The following CARD10 variants were observed in gnomAD, a reference collection of about 807,000 sequenced individuals.
The protein encoded by CARD10 is caspase recruitment domain family member 10.
Under a neutral mutation model 114.6 loss-of-function variants are expected in CARD10, and 49 were observed. The observed-to-expected ratio is 0.43, with a 90% CI of 0.34 to 0.54. The LOEUF is 0.54. CARD10 is among the 20% of genes least tolerant of loss of function. CARD10 has a pLI of 0.03. For missense variants in CARD10, 1,206 were observed against 1,397.2 expected (o/e 0.86, Z 2.18); for synonymous variants, 602 against 593.2 (o/e 1.01, Z -0.21).
chr22:37,492,757 A>G lies in CARD10; in HGVS notation c.2522T>C (p.Leu841Pro). The G allele has an allele frequency of 6.2e-7, 1 of 1,612,866 alleles. No homozygotes were observed. The highest frequency in any genetic ancestry group is 8.5e-7 in the Non-Finnish European group (1 of 1,179,898). Residue 841 changes from leucine (L) to proline (P), a missense_variant, in exon 17 of 20, where the codon CTG becomes CCG. Physicochemically the swap from Leu to Pro is moderately conservative, Grantham distance 98 (BLOSUM62 -3). Transcript: ENST00000251973. The surrounding 1 kb of genome is among the most constrained non-coding windows in gnomAD (Gnocchi z 5.7). Reference sequence around the variant, plus strand: ...CACCACGGGCCGCAGGGCAGACACCAGTAGCGGCCGCACCAAACTGTAGGG... The same window carrying G: ...CACCACGGGCCGCAGGGCAGACACCGGTAGCGGCCGCACCAAACTGTAGGG... ...LRPYSLVRPL[L>P]VSALRPVVLL...
Position 37,493,910 on chromosome 22 carries a change from T to C in CARD10, c.2476+176A>G, listed in dbSNP as rs184810337. 1.9e-3 allele frequency among the ~76,000 whole-genome samples: 295 copies of C among 152,294 alleles called. 2 individuals are homozygous for C. Among genetic ancestry groups the C allele is most frequent in the African/African-American group, 6.9e-3 (288 of 41,564 alleles). ...TCTCCCTCAACCTTGGCAATCACCA[T>C]GGCAGGTGGGGTGGTCTTGTCTCTC... is the stretch of plus-strand genomic sequence containing the variant. On this transcript the variant is annotated intron_variant, in intron 16 of 19. Transcript: ENST00000251973.
Position 37,519,281 on chromosome 22 carries a change from C to A in CARD10, c.-81G>T, listed in dbSNP as rs1247397101. 27 of 1,367,976 alleles carry A rather than the reference C, an allele frequency of 2.0e-5. No individual in the cohort carries two copies. Among genetic ancestry groups the A allele is most frequent in the Middle Eastern group, 2.7e-4 (1 of 3,708 alleles). 84.7% of individuals were successfully genotyped at this position (1,367,976 alleles called of 1,614,324 possible). A position where few individuals can be genotyped will look rare whatever the true frequency, so the allele number is the denominator to read the frequency against. On this transcript the variant is annotated 5_prime_UTR_variant, in exon 1 of 20. Coordinates refer to ENST00000251973, the MANE Select transcript of CARD10 (RefSeq NM_014550.4). This position sits in a 1 kb window ranked among gnomAD's most constrained non-coding sequence, Gnocchi z 4.1. ...CTAGGGCTAGATGTGCGGCCAAGCACCCCCGGGGCGTCGTCCGCAGACCCG... is the reference window on the plus strand; with the variant it reads ...CTAGGGCTAGATGTGCGGCCAAGCAACCCCGGGGCGTCGTCCGCAGACCCG...
chr22:37,516,179 C>T lies in CARD10; in HGVS notation c.493G>A (p.Glu165Lys), dbSNP rs756816896. Reference sequence around the variant, plus strand: ...TGCTCCAGCCCTGCCCGCTCCTCCTCGAGCACCCGGCCCCGGGCCTGCAGT... The same window carrying T: ...TGCTCCAGCCCTGCCCGCTCCTCCTTGAGCACCCGGCCCCGGGCCTGCAGT... Reference protein sequence around the residue: ...QQLQARGRVLEEERAGLEQRL... With the variant: ...QQLQARGRVLKEERAGLEQRL... The change falls in exon 3 of 20, where the codon GAG becomes AAG. Residue 165 changes from glutamate to lysine, a missense_variant. Around this residue, in one of 2 missense-constraint regions of CARD10, gnomAD observed 1,068 missense variants for 1,179.1 expected, o/e 0.91. Transcript: ENST00000251973. The T allele has an allele frequency of 7.5e-6, 12 of 1,592,846 alleles. No individual in the cohort carries two copies. The highest frequency in any genetic ancestry group is 9.4e-6 in the Non-Finnish European group (11 of 1,170,370).
chr22:37,495,489 C>G, intron 15 of CARD10, 28 bp downstream of exon 15: 1 of 1,586,574 alleles, frequency 6.3e-7, no homozygotes, highest in Non-Finnish European at 8.6e-7. Context: ...TGGGGCCCCC[C>G]ACCCACTACC....
chr22:37,498,174 C>A (rs951454956), intron 11 of CARD10, among the ~76,000 whole-genome samples: 1 of 152,144 alleles, frequency 6.6e-6, no homozygotes, highest in Non-Finnish European at 1.5e-5. Flanking sequence ...ATGCTGAGCT[C>A]CTTGCCCTAA....
Position 37,519,172 on chromosome 22 carries a change from G to C in CARD10, c.29C>G (p.Ala10Gly), listed in dbSNP as rs771224884. ...CGAGCCGGCCCCGGCCTCCTCCTCG[G>C]CCTCCCCCGCCTCCGCCCGGCCCGG... MPGRAEAGE[A>G]EEEAGAGSGS... The change falls in exon 1 of 20, where the codon GCC (alanine) becomes GGC (glycine). Residue 10 changes from alanine to glycine, a missense_variant. Physicochemically the swap from Ala to Gly is moderately conservative, Grantham distance 60 (BLOSUM62 0). Transcript: ENST00000251973. The surrounding 1 kb of genome is among the most constrained non-coding windows in gnomAD (Gnocchi z 4.1). 6.5e-7 allele frequency: 1 copy of C among 1,534,086 alleles called. No homozygotes were observed. The highest frequency in any genetic ancestry group is 2.0e-5 in the Admixed American group (1 of 51,248).
intron 10 of CARD10, 77 bp downstream of exon 10, chr22:37,503,108 G>T: frequency 6.8e-7 from 1 of 1,463,858 alleles, no homozygotes; most frequent in Non-Finnish European, 9.5e-7. Context: ...AGCGCAGGTG[G>T]TGCAGGCTTC....
chr22:37,492,513 C>T lies in CARD10; in HGVS notation c.2673G>A (p.Ala891=), dbSNP rs774505367. The change falls in exon 18 of 20, where the codon GCG becomes GCA. Residue 891 remains alanine, a synonymous_variant. Transcript: ENST00000251973. The surrounding 1 kb of genome is among the most constrained non-coding windows in gnomAD (Gnocchi z 5.7). ...LSGEELCPSS[A]PGAPKAQPAT... ...CAGGCTGAGCCTTGGGGGCTCCAGGCGCTGAGGATGGGCACAGTTCCTCCC... is the reference window on the plus strand; with the variant it reads ...CAGGCTGAGCCTTGGGGGCTCCAGGTGCTGAGGATGGGCACAGTTCCTCCC... 8 of 1,604,136 alleles carry T rather than the reference C, an allele frequency of 5.0e-6. No homozygotes were observed. The highest frequency in any genetic ancestry group is 2.2e-5 in the East Asian group (1 of 44,724).
At chr22:37,517,404 G>A (rs369291299) in intron 2 of CARD10, among the ~76,000 whole-genome samples, 4 of 152,198 alleles carry the variant, frequency 2.6e-5, no homozygotes, top group East Asian at 1.9e-4. Context: ...CTGGGAGGCC[G>A]AGGCAGGCGG....
intron 10 of CARD10, 29 bp from the exon 11 acceptor site, chr22:37,502,754 C>G: frequency 6.2e-7 from 1 of 1,606,118 alleles, no homozygotes; most frequent in Non-Finnish European, 8.5e-7. Flanking sequence ...GTTCAGGGAT[C>G]TGGCACTGGG....
At chr22:37,504,330 C>A (rs1463137783) in intron 8 of CARD10, 29 bp from the exon 9 acceptor site, 3 of 1,421,480 alleles carry the variant, frequency 2.1e-6, no homozygotes, top group Admixed American at 4.4e-5. Flanking sequence ...GCCTGGGTCA[C>A]CCCCACTGCC....
chr22:37,494,108 C>T lies in CARD10; in HGVS notation c.2454G>A (p.Gln818=). 1 of 1,557,756 alleles carries T rather than the reference C, an allele frequency of 6.4e-7. No individual in the cohort carries two copies. Among genetic ancestry groups the T allele is most frequent in the Non-Finnish European group, 8.7e-7 (1 of 1,150,900 alleles). ...VGAPAGDSPD[Q]LLLEPCAEPE... ...CACCTGCACAGGGCTCCAGCAGCAG[C>T]TGATCCGGGGAGTCCCCTGCAGGCG... Residue 818 remains glutamine, a synonymous_variant, in exon 16 of 20, where the codon CAG becomes CAA. Coordinates refer to ENST00000251973, the MANE Select transcript of CARD10 (RefSeq NM_014550.4).
At position 37,509,988 on chromosome 22, in the gene CARD10, C is replaced by A. The variant is rs538413105; in HGVS notation, c.909+224G>T. On this transcript the variant is annotated intron_variant, in intron 4 of 19. Transcript: ENST00000251973. ...AGCCCTGGTACCTACCGCAGGCCCT[C>A]CTGACCACCCCCCACCCCCGTGCCC... Among the ~76,000 whole-genome samples, 31 of 35,536 alleles carry A rather than the reference C, an allele frequency of 8.7e-4. 1 individual carries two copies. Among genetic ancestry groups the A allele is most frequent in the Non-Finnish European group, 1.4e-3 (26 of 18,152 alleles). The allele number at this position is 35,536 out of a possible 152,430, so 23.3% of individuals were successfully genotyped here. A position where few individuals can be genotyped will look rare whatever the true frequency, so the allele number is the denominator to read the frequency against.
At chr22:37,511,421 G>GGGGGGGAGGAA (rs796281103) in intron 3 of CARD10, among the ~76,000 whole-genome samples, 1 of 126,214 alleles carries the variant, frequency 7.9e-6, no homozygotes, top group Non-Finnish European at 1.6e-5. Flanking sequence ...GGGAGGAGGA[G>GGGGGGGAGGAA]GGAGGGGGAA....
chr22:37,496,333 G>T lies in CARD10; in HGVS notation c.2059+116C>A. ...ATCAGCAGGCGGGGAGCCAGGAGAA[G>T]GGCAATTGGGGCAAGGCTGGTCCCT... On this transcript the variant is annotated intron_variant, in intron 13 of 19. Transcript: ENST00000251973. This position sits in a 1 kb window ranked among gnomAD's most constrained non-coding sequence, Gnocchi z 4.1. 1 of 725,534 alleles carries T rather than the reference G, an allele frequency of 1.4e-6. No homozygotes were observed. Among genetic ancestry groups the T allele is most frequent in the Non-Finnish European group, 2.3e-6 (1 of 437,596 alleles). 44.9% of individuals were successfully genotyped at this position (725,534 alleles called of 1,614,324 possible).
In CARD10 at chr22:37,518,951, G is replaced by A. The variant is rs1923935546; in HGVS notation, c.235+15C>T. 2.0e-6 allele frequency: 3 copies of A among 1,516,152 alleles called. No homozygotes were observed. The highest frequency in any genetic ancestry group is 2.7e-6 in the Non-Finnish European group (3 of 1,131,868). The allele number at this position is 1,516,152 out of a possible 1,614,324, so 93.9% of individuals were successfully genotyped here. Reference sequence around the variant, plus strand: ...GCCGGCCCAGGTCGTGGCCCACTCGGGACCCGCGGCTCACCGGTGCGGTTG... The same window carrying A: ...GCCGGCCCAGGTCGTGGCCCACTCGAGACCCGCGGCTCACCGGTGCGGTTG... On this transcript the variant is annotated intron_variant, in intron 1 of 19. Transcript: ENST00000251973.
chr22:37,497,753 A>ACT (rs1923059723), intron 11 of CARD10, among the ~76,000 whole-genome samples: 1 of 151,444 alleles, frequency 6.6e-6, no homozygotes, highest in Non-Finnish European at 1.5e-5. Flanking sequence ...AATTCCAGCT[A>ACT]CTTGGGAGGA....
At chr22:37,510,975 G>A (rs113534314) in intron 3 of CARD10, among the ~76,000 whole-genome samples, 78 of 152,066 alleles carry the variant, frequency 5.1e-4, no homozygotes, top group African/African-American at 1.6e-3. Flanking sequence ...CCAGCTACTA[G>A]GGAGATTGAG....
chr22:37,497,039 C>A lies in CARD10; in HGVS notation c.1927G>T (p.Ala643Ser). 2 of 1,613,296 alleles carry A rather than the reference C, an allele frequency of 1.2e-6. No homozygotes were observed. Among genetic ancestry groups the A allele is most frequent in the South Asian group, 2.2e-5 (2 of 90,978 alleles). ...CTCACCTCTCTTGGTTCCATCCTGG[C>A]GGACCCAGGCCCAGACAGCACCCTG... ...VRRVLSGPGS[A>S]RMEPREQRVE... The change falls in exon 12 of 20, where the codon GCC (alanine) becomes TCC (serine). Residue 643 changes from alanine (A) to serine (S), a missense_variant. By Grantham distance (99) the Ala-to-Ser change is moderately conservative. Coordinates refer to ENST00000251973, the MANE Select transcript of CARD10 (RefSeq NM_014550.4).
Sources: allele counts gnomAD v4.1 joint callset (sites outside exome capture counted in the v4.1 genomes callset), GRCh38; gene constraint gnomAD v4.1.1; regional missense constraint gnomAD v4.1.1; non-coding constraint Gnocchi (gnomAD v3.1); transcripts MANE v1.5; gene names NCBI Gene and HGNC (gene_info 2026-07-23, HGNC 2026-07-21).